The following PTPRU variants were observed in gnomAD, a reference collection of about 807,000 sequenced individuals.
PTPRU encodes protein tyrosine phosphatase receptor type U.
PTPRU carries 69 observed loss-of-function variants against 166.3 expected under a neutral mutation model. The observed-to-expected ratio is 0.41, with a 90% CI of 0.34 to 0.51. The LOEUF is 0.51. PTPRU is among the 20% of genes least tolerant of loss of function. The pLI, the probability that PTPRU is intolerant of heterozygous loss-of-function variation, is 0.09. For synonymous variants in PTPRU, 793 were observed against 814.0 expected (o/e 0.97, Z 0.44); for missense variants, 1,657 against 2,013.7 (o/e 0.82, Z 3.39).
chr1:29,308,918 A>G (rs1405364355), intron 18 of PTPRU, among the ~76,000 whole-genome samples: 3 of 152,004 alleles, frequency 2.0e-5, no homozygotes, highest in African/African-American at 7.3e-5. Context: ...AGTCCCAGCT[A>G]CTTGGGAGGT....
Position 29,315,384 on chromosome 1 carries a change from C to T in PTPRU, c.3240C>T (p.Gly1080=). The T allele has an allele frequency of 6.2e-7, 1 of 1,614,188 alleles. No individual in the cohort carries two copies. Among genetic ancestry groups the T allele is most frequent in the Non-Finnish European group, 8.5e-7 (1 of 1,180,038 alleles). ...PIVIHCSAGT[G]RTGCYIVLDV... ...GCTCTCTCTCCAGCGCGGGCACCGG[C>T]CGCACAGGTTGCTATATCGTCCTGG... The change falls in exon 23 of 30, where the codon GGC becomes GGT. Residue 1080 remains glycine, a synonymous_variant. Coordinates refer to ENST00000373779, the MANE Select transcript of PTPRU (RefSeq NM_133178.4). This position sits in a 1 kb window ranked among gnomAD's most constrained non-coding sequence, Gnocchi z 4.5.
Position 29,311,344 on chromosome 1 carries a change from T to G in PTPRU, c.2858-112T>G. On this transcript the variant is annotated intron_variant, in intron 19 of 29. Coordinates refer to ENST00000373779, the MANE Select transcript of PTPRU (RefSeq NM_133178.4). The surrounding 1 kb of genome is among the most constrained non-coding windows in gnomAD (Gnocchi z 4.1). ...GTTGTGGGCAGCATGAAGCCCCCGTTGGGGCTCAGGAGGCCTCCTGGCCTG... is the reference window on the plus strand; with the variant it reads ...GTTGTGGGCAGCATGAAGCCCCCGTGGGGGCTCAGGAGGCCTCCTGGCCTG... 2.0e-6 allele frequency: 2 copies of G among 978,558 alleles called. No homozygotes were observed. The highest frequency in any genetic ancestry group is 3.1e-6 in the Non-Finnish European group (2 of 646,004). The allele number at this position is 978,558 out of a possible 1,614,324, so 60.6% of individuals were successfully genotyped here.
Position 29,259,482 on chromosome 1 carries a change from T to C in PTPRU, c.593T>C (p.Val198Ala), listed in dbSNP as rs368441060. The C allele has an allele frequency of 3.7e-6, 6 of 1,611,170 alleles. No homozygotes were observed. The South Asian group carries it at 4.4e-5, about 12-fold the overall frequency. Residue 198 changes from valine to alanine, a missense_variant, in exon 5 of 30, where the codon GTG becomes GCG. By Grantham distance (64) the Val-to-Ala change is moderately conservative. Transcript: ENST00000373779. The stretch of plus-strand genomic sequence containing the variant: ...CCACACTTCTCCCGCCTGGGCGACG[T>C]GGAGGTCAACGCGGGCCAGAACGCG... The part of the protein sequence containing the change: ...KAPHFSRLGD[V>A]EVNAGQNASF...
rs1365617963 is a variant in PTPRU at position 29,269,219 on chromosome 1, C to CAAATATATAT, written c.1145-6228_1145-6227insAATATATATA. ...CCACCATGCCCAGCTAATTTATATA[C>CAAATATATAT]ATATATATATATATATATATATATA... On this transcript the variant is annotated intron_variant, in intron 7 of 29. Transcript: ENST00000373779. Among the ~76,000 whole-genome samples, 62 of 42,398 alleles carry CAAATATATAT rather than the reference C, an allele frequency of 1.5e-3. 1 individual carries two copies. Among genetic ancestry groups the CAAATATATAT allele is most frequent in the African/African-American group, 3.6e-3 (38 of 10,510 alleles). 27.8% of individuals were successfully genotyped at this position (42,398 alleles called of 152,430 possible).
At position 29,325,199 on chromosome 1, in the gene PTPRU, G is replaced by C. The variant is rs1414804617; in HGVS notation, c.4121G>C (p.Gly1374Ala). Residue 1374 changes from glycine (G) to alanine (A), a missense_variant, in exon 29 of 30, where the codon GGA becomes GCA. By Grantham distance (60) the Gly-to-Ala change is moderately conservative (BLOSUM62 0). This residue lies in a region of PTPRU where 1,190 missense variants were observed against 1,477.4 expected (regional missense o/e 0.81). Coordinates refer to ENST00000373779, the MANE Select transcript of PTPRU (RefSeq NM_133178.4). ...TTGCATCTCTCATTCAGAAACGGGGGAGGACGCAGCGGCACCTTCTGCGCC... is the reference window on the plus strand; with the variant it reads ...TTGCATCTCTCATTCAGAAACGGGGCAGGACGCAGCGGCACCTTCTGCGCC... Reference protein sequence around the residue: ...GRTIVHCLNGGGRSGTFCACA... With the variant: ...GRTIVHCLNGAGRSGTFCACA... 2.5e-6 allele frequency: 4 copies of C among 1,614,210 alleles called. No homozygotes were observed. The highest frequency in any genetic ancestry group is 3.4e-6 in the Non-Finnish European group (4 of 1,180,036).
chr1:29,260,114 C>T lies in PTPRU; in HGVS notation c.850+70C>T, dbSNP rs1196719030. ...GGGCGGGGCCGGCGACGGGGGCGGG[C>T]TCTGCCCGGGGGCGTGGCCGTGGGG... On this transcript the variant is annotated intron_variant, in intron 6 of 29. Transcript: ENST00000373779. The surrounding 1 kb of genome is among the most constrained non-coding windows in gnomAD (Gnocchi z 8.3). The T allele has an allele frequency of 3.0e-5, 39 of 1,281,882 alleles. No individual in the cohort carries two copies. The highest frequency in any genetic ancestry group is 8.1e-5 in the Admixed American group (2 of 24,570). 79.4% of individuals were successfully genotyped at this position (1,281,882 alleles called of 1,614,324 possible).
rs562906193 is a variant in PTPRU, at chr1:29,257,121, C to A, written c.206-1384C>A. On this transcript the variant is annotated intron_variant, in intron 2 of 29. Transcript: ENST00000373779. This position sits in a 1 kb window ranked among gnomAD's most constrained non-coding sequence, Gnocchi z 4.6. ...AGAGAAGGGGAGGGATGTAGTGAGC[C>A]GAGGAGGAGGCAGAGGGAGCAGGAG... 6.6e-6 allele frequency among the ~76,000 whole-genome samples: 1 copy of A among 151,706 alleles called. No homozygotes were observed. The highest frequency in any genetic ancestry group is 2.1e-4 in the South Asian group (1 of 4,774).
rs746633101 is a variant in PTPRU, at chr1:29,279,474, G to C, written c.1582G>C (p.Glu528Gln). 4.3e-5 allele frequency: 70 copies of C among 1,613,940 alleles called. No individual in the cohort carries two copies. Among genetic ancestry groups the C allele is most frequent in the Non-Finnish European group, 5.9e-5 (70 of 1,180,028 alleles). Residue 528 changes from glutamate to glutamine, a missense_variant, in exon 10 of 30, where the codon GAG becomes CAG. By Grantham distance (29) the Glu-to-Gln change is conservative (BLOSUM62 2). Around this residue, in one of 3 missense-constraint regions of PTPRU, gnomAD observed 1,190 missense variants for 1,477.4 expected, o/e 0.81. Coordinates refer to ENST00000373779, the MANE Select transcript of PTPRU (RefSeq NM_133178.4). The surrounding 1 kb of genome is among the most constrained non-coding windows in gnomAD (Gnocchi z 5.2). ...TQYEISYQSI[E>Q]SSDPAVNVPG... ...CCCCCAGATCAGCTACCAGAGCATC[G>C]AGTCATCAGACCCGGCAGTGAACGT...
intron 14 of PTPRU, among the ~76,000 whole-genome samples, chr1:29,287,970 T>C (rs1284283067): frequency 6.6e-6 from 1 of 151,958 alleles, no homozygotes; most frequent in Non-Finnish European, 1.5e-5. Context: ...CCCACCACCA[T>C]ACTCGGCTAA....
chr1:29,242,115 C>T (rs534176188), intron 1 of PTPRU, among the ~76,000 whole-genome samples: 2 of 152,208 alleles, frequency 1.3e-5, no homozygotes, highest in East Asian at 3.9e-4. Context: ...TGGTCTTGAA[C>T]TCCTGACCTC....
chr1:29,294,919 G>T (rs954248714), intron 15 of PTPRU, among the ~76,000 whole-genome samples: 2 of 152,146 alleles, frequency 1.3e-5, no homozygotes, highest in Non-Finnish European at 2.9e-5. Context: ...GGTTGGTTTG[G>T]TTGATTCCTA....
rs1167265643 is a variant in PTPRU, at chr1:29,258,556, A to G, written c.257A>G (p.His86Arg). 6.2e-7 allele frequency: 1 copy of G among 1,614,168 alleles called. No individual in the cohort carries two copies. Among genetic ancestry groups the G allele is most frequent in the Admixed American group, 1.7e-5 (1 of 60,028 alleles). The change falls in exon 3 of 30, where the codon CAT becomes CGT. Residue 86 changes from histidine (H) to arginine (R), a missense_variant. Transcript: ENST00000373779. Reference protein sequence around the residue: ...TSQHAPGQRAHVIFQSLSEND... With the variant: ...TSQHAPGQRARVIFQSLSEND... ...CAGCATGCCCCAGGCCAGCGAGCCCATGTCATCTTCCAGAGCCTGAGCGAG... is the reference window on the plus strand; with the variant it reads ...CAGCATGCCCCAGGCCAGCGAGCCCGTGTCATCTTCCAGAGCCTGAGCGAG...
Position 29,325,191 on chromosome 1 carries a change from A to C in PTPRU, c.4113A>C (p.Leu1371=), listed in dbSNP as rs1688351462. The change falls in exon 29 of 30, where the codon CTA becomes CTC. Residue 1371 remains leucine (L), a splice_region_variant and synonymous_variant. Transcript: ENST00000373779. ...SGDGRTIVHC[L]NGGGRSGTFC... is the part of the protein sequence containing the mutation. ...CTCAGCTTTTGCATCTCTCATTCAGAAACGGGGGAGGACGCAGCGGCACCT... is the reference window on the plus strand; with the variant it reads ...CTCAGCTTTTGCATCTCTCATTCAGCAACGGGGGAGGACGCAGCGGCACCT... The C allele has an allele frequency of 1.2e-6, 2 of 1,613,956 alleles. No individual in the cohort carries two copies. The highest frequency in any genetic ancestry group is 1.7e-6 in the Non-Finnish European group (2 of 1,179,998).
rs1687948560 is a variant in PTPRU at position 29,317,449 on chromosome 1, G to T, written c.3514-299G>T. ...TTTGGCCTCCCAGCAGCCCCATGAA[G>T]TAGGCATATTACTTCCCTATTTCAC... On this transcript the variant is annotated intron_variant, in intron 24 of 29. Coordinates refer to ENST00000373779, the MANE Select transcript of PTPRU (RefSeq NM_133178.4). This position sits in a 1 kb window ranked among gnomAD's most constrained non-coding sequence, Gnocchi z 5.6. Among the ~76,000 whole-genome samples, 1 of 152,152 alleles carries T rather than the reference G, an allele frequency of 6.6e-6. No individual in the cohort carries two copies. Among genetic ancestry groups the T allele is most frequent in the Non-Finnish European group, 1.5e-5 (1 of 68,034 alleles).
chr1:29,245,867 T>C (rs1350812105), intron 1 of PTPRU, among the ~76,000 whole-genome samples: 1 of 152,224 alleles, frequency 6.6e-6, no homozygotes, highest in Non-Finnish European at 1.5e-5. Context: ...AGAGCATTTA[T>C]ATTCTGCACC....
intron 1 of PTPRU, among the ~76,000 whole-genome samples, chr1:29,243,578 C>A (rs900084219): frequency 8.5e-5 from 13 of 152,250 alleles, no homozygotes; most frequent in African/African-American, 3.1e-4. Flanking sequence ...CAGTTCAGCT[C>A]CATTGTCACT....
At chr1:29,249,650 T>A (rs1684462229) in intron 1 of PTPRU, among the ~76,000 whole-genome samples, 1 of 152,164 alleles carries the variant, frequency 6.6e-6, no homozygotes, top group African/African-American at 2.4e-5. Flanking sequence ...TGAGTGTGAT[T>A]GGAGGGTGTG....
rs1264017848 is a variant in PTPRU, at chr1:29,291,090, C to T, written c.2319-779C>T. Among the ~76,000 whole-genome samples, 4 of 152,202 alleles carry T rather than the reference C, an allele frequency of 2.6e-5. No individual in the cohort carries two copies. The highest frequency in any genetic ancestry group is 9.6e-5 in the African/African-American group (4 of 41,458). ...CCTCCCACTTTCCTCCAAGTTCCTT[C>T]GAAGTCACAAACTGCCATCCTCATC... On this transcript the variant is annotated intron_variant, in intron 14 of 29. Transcript: ENST00000373779. The surrounding 1 kb of genome is among the most constrained non-coding windows in gnomAD (Gnocchi z 4.1).
chr1:29,300,612 A>G (rs1383091286), intron 15 of PTPRU, among the ~76,000 whole-genome samples: 2 of 152,212 alleles, frequency 1.3e-5, no homozygotes, highest in Non-Finnish European at 2.9e-5. Flanking sequence ...TGGGCATCCC[A>G]CCACAATGGC....
Sources: allele counts gnomAD v4.1 joint callset (sites outside exome capture counted in the v4.1 genomes callset), GRCh38; gene constraint gnomAD v4.1.1; regional missense constraint gnomAD v4.1.1; non-coding constraint Gnocchi (gnomAD v3.1); transcripts MANE v1.5; gene names NCBI Gene and HGNC (gene_info 2026-07-23, HGNC 2026-07-21).